The following LIPC variants were observed in gnomAD, a reference collection of about 807,000 sequenced individuals.
LIPC encodes lipase C, hepatic type, also known as hepatic triacylglycerol lipase.
Under a neutral mutation model 50.7 loss-of-function variants are expected in LIPC, and 44 were observed. The ratio of observed to expected loss-of-function variants is 0.87; its 90% CI spans 0.68 to 1.11. The LOEUF (loss-of-function observed/expected upper bound fraction) is 1.11, where lower values mean the gene tolerates loss of function less well. Ranked by LOEUF, LIPC falls within the 50% of genes most tolerant of loss-of-function variation. LIPC has a pLI of 0.00. For missense variants in LIPC, 697 were observed against 648.2 expected (o/e 1.08, Z -0.82); for synonymous variants, 271 against 256.4 (o/e 1.06, Z -0.54).
chr15:58,481,306 C>A (rs567290162), intron 1 of LIPC, among the ~76,000 whole-genome samples: 3 of 152,210 alleles, frequency 2.0e-5, no homozygotes. Flanking sequence ...ATTAAAAAAA[C>A]CATAAATGTC....
intron 1 of LIPC, among the ~76,000 whole-genome samples, chr15:58,477,331 G>A (rs149703095): frequency 4.2e-4 from 64 of 152,304 alleles, no homozygotes; most frequent in African/African-American, 1.4e-3. Flanking sequence ...AGAGGAAGCC[G>A]AGCTGAGACC....
Position 58,563,544 on chromosome 15 carries a change from T to C in LIPC, c.1209T>C (p.Leu403=), listed in dbSNP as rs758749383. 2.5e-6 allele frequency: 4 copies of C among 1,614,118 alleles called. No individual in the cohort carries two copies. In the African/African-American group the frequency reaches 5.3e-5, roughly 22 times the overall value. ...CTAGTAATAAAACGTATTCCTTTCT[T>C]ATCACGCTGGATGTGGATATCGGCG... The part of the protein sequence containing the change: ...GIASNKTYSF[L]ITLDVDIGEL... The change falls in exon 8 of 9, where the codon CTT becomes CTC. Residue 403 remains leucine (L), a synonymous_variant. Transcript: ENST00000299022.
intron 1 of LIPC, among the ~76,000 whole-genome samples, chr15:58,470,622 C>T (rs1323613411): frequency 6.1e-5 from 8 of 130,446 alleles, no homozygotes; most frequent in African/African-American, 1.3e-4. Context: ...TTGGTAGAGA[C>T]GAAATCTCGC....
chr15:58,486,943 C>G (rs909195444), intron 1 of LIPC, among the ~76,000 whole-genome samples: 2 of 152,188 alleles, frequency 1.3e-5, no homozygotes, highest in African/African-American at 4.8e-5. Flanking sequence ...GAAGTGCCAC[C>G]TGGTGAGCAC....
intron 1 of LIPC, among the ~76,000 whole-genome samples, chr15:58,472,551 G>A (rs565746326): frequency 6.8e-6 from 1 of 147,050 alleles, no homozygotes; most frequent in African/African-American, 2.5e-5. Context: ...ACTCCAGCCT[G>A]GGCAAGAGAG....
At position 58,568,764 on chromosome 15, in the gene LIPC, C is replaced by G. The variant is rs6074; in HGVS notation, c.1437C>G (p.Thr479=). 2.2e-5 allele frequency: 36 copies of G among 1,611,384 alleles called. No individual in the cohort carries two copies. In the African/African-American group the frequency reaches 3.1e-4, roughly 14 times the overall value. The change falls in exon 9 of 9, where the codon ACC becomes ACG. Residue 479 remains threonine (T), a synonymous_variant. Coordinates refer to ENST00000299022, the MANE Select transcript of LIPC (RefSeq NM_000236.3). ...ENTDDLLLRP[T]QEKIFVKCEI... ...CAGATGACCTACTACTTCGCCCAACCCAGGAAAAAATCTTCGTGAAATGTG... is the reference window on the plus strand; with the variant it reads ...CAGATGACCTACTACTTCGCCCAACGCAGGAAAAAATCTTCGTGAAATGTG...
chr15:58,494,467 A>G (rs532681417), intron 1 of LIPC, among the ~76,000 whole-genome samples: 68 of 152,348 alleles, frequency 4.5e-4, no homozygotes, highest in African/African-American at 1.5e-3. Flanking sequence ...GTTTGCACTT[A>G]CAGAAAATGA....
At chr15:58,442,502 T>C (rs765188139) in intron 1 of LIPC, among the ~76,000 whole-genome samples, 1 of 152,220 alleles carries the variant, frequency 6.6e-6, no homozygotes, top group Non-Finnish European at 1.5e-5. Context: ...GTGCTGACAA[T>C]GAAAATAGGT....
At chr15:58,457,488 G>A (rs1398864684) in intron 1 of LIPC, among the ~76,000 whole-genome samples, 2 of 152,194 alleles carry the variant, frequency 1.3e-5, no homozygotes, top group Non-Finnish European at 2.9e-5. Flanking sequence ...TTTACGATAT[G>A]CCACTTGGCT....
intron 1 of LIPC, among the ~76,000 whole-genome samples, chr15:58,518,660 A>G (rs550056436): frequency 7.2e-5 from 11 of 152,336 alleles, no homozygotes; most frequent in Admixed American, 6.5e-4. Context: ...GGCTCTGCAC[A>G]TACCACAACG....
chr15:58,495,969 T>C (rs1891749561), intron 1 of LIPC, among the ~76,000 whole-genome samples: 1 of 152,220 alleles, frequency 6.6e-6, no homozygotes, highest in South Asian at 2.1e-4. Context: ...GAAGGGATTT[T>C]TCTCAACTCT....
chr15:58,566,037 C>A (rs1267502343), intron 8 of LIPC: 1 of 984,008 alleles, frequency 1.0e-6, no homozygotes, highest in Admixed American at 6.2e-5. Context: ...CTCAAACTTT[C>A]ACGAGCATAC....
At chr15:58,512,464 T>C (rs12904012) in intron 1 of LIPC, among the ~76,000 whole-genome samples, 18,419 of 152,170 alleles carry the variant, frequency 0.12, 1,236 homozygotes, top group Middle Eastern at 0.17. Context: ...TCCACGCAAA[T>C]CAGTCAGGAA....
At chr15:58,507,683 A>C (rs1367985289) in intron 1 of LIPC, among the ~76,000 whole-genome samples, 1 of 152,224 alleles carries the variant, frequency 6.6e-6, no homozygotes, top group Non-Finnish European at 1.5e-5. Context: ...TCCACCAGGC[A>C]CTGTGTAGAG....
At chr15:58,449,041 G>A (rs916470450) in intron 1 of LIPC, among the ~76,000 whole-genome samples, 23 of 151,988 alleles carry the variant, frequency 1.5e-4, no homozygotes, top group Admixed American at 1.3e-3. Context: ...GCCGGAAAGC[G>A]CTAGGTGCAC....
chr15:58,554,522 G>C (rs1222311136), intron 6 of LIPC, among the ~76,000 whole-genome samples: 12 of 150,858 alleles, frequency 8.0e-5, no homozygotes, highest in African/African-American at 2.9e-4. Context: ...TGGCAGGGTA[G>C]AATGATAGGC....
chr15:58,543,638 C>T (rs1231910322), intron 4 of LIPC, among the ~76,000 whole-genome samples: 2 of 152,068 alleles, frequency 1.3e-5, no homozygotes, highest in African/African-American at 4.8e-5. Context: ...CAAGTGAGGA[C>T]ATTTTTTTTT....
intron 1 of LIPC, among the ~76,000 whole-genome samples, chr15:58,472,619 C>G (rs1384799232): frequency 6.6e-6 from 1 of 150,792 alleles, no homozygotes; most frequent in South Asian, 2.1e-4. Context: ...TCAAGGGGCT[C>G]ACAGCCTGTG....
At chr15:58,562,805 A>ACG (rs138738633) in intron 7 of LIPC, among the ~76,000 whole-genome samples, 4 of 141,458 alleles carry the variant, frequency 2.8e-5, no homozygotes, top group Admixed American at 7.2e-5. Flanking sequence ...CACACAAGGG[A>ACG]CCCCCCCCCA....
Sources: gnomAD v4.1 joint callset for allele counts (sites outside exome capture counted in the v4.1 genomes callset) on GRCh38, gnomAD v4.1.1 for gene constraint, MANE v1.5 for transcripts, NCBI Gene and HGNC (gene_info 2026-07-23, HGNC 2026-07-21) for gene names.